TMEM132D: variants seen among roughly 807,000 people sequenced by gnomAD.
TMEM132D encodes the protein transmembrane protein 132D.
A neutral mutation model predicts 62.3 loss-of-function variants in TMEM132D; 21 were observed. The observed-to-expected ratio is 0.34, with a 90% CI of 0.24 to 0.49. TMEM132D has a LOEUF of 0.49. TMEM132D is among the 20% of genes least tolerant of loss of function. The probability of loss-of-function intolerance (pLI) is 0.99; values close to 1 mark genes in which losing one functional copy is unlikely to be tolerated. For missense variants in TMEM132D, 1,346 were observed against 1,402.8 expected, an observed-to-expected ratio of 0.96 and a Z score of 0.65; for synonymous variants, 621 against 575.6, an observed-to-expected ratio of 1.08 and a Z score of -1.13.
chr12:129,811,343 A>G (rs922314488), intron 1 of TMEM132D, among the ~76,000 whole-genome samples: 1 of 151,600 alleles, frequency 6.6e-6, no homozygotes, highest in Admixed American at 6.6e-5. Context: ...CACACCCAGC[A>G]GACTTCATCC....
At chr12:129,376,399 C>T (rs1870781309) in intron 3 of TMEM132D, among the ~76,000 whole-genome samples, 2 of 152,120 alleles carry the variant, frequency 1.3e-5, no homozygotes, top group African/African-American at 4.8e-5. Flanking sequence ...AGGAGCAAAG[C>T]CCCTTCTAAA....
intron 4 of TMEM132D, among the ~76,000 whole-genome samples, chr12:129,331,749 C>A (rs1869111939): frequency 6.6e-6 from 1 of 152,206 alleles, no homozygotes; most frequent in Admixed American, 6.5e-5. Flanking sequence ...AAAGTATATA[C>A]CTATCAGTGC....
At position 129,903,873 on chromosome 12, in the gene TMEM132D, T is replaced by TCCCAGG. The variant is rs1875461455; in HGVS notation, c.-540_-535dup. 6.8e-6 allele frequency among the ~76,000 whole-genome samples: 1 copy of TCCCAGG among 146,412 alleles called. No individual in the cohort carries two copies. Among genetic ancestry groups the TCCCAGG allele is most frequent in the African/African-American group, 2.5e-5 (1 of 40,784 alleles). The stretch of plus-strand genomic sequence containing the variant: ...GGGGCTCCCTGGCCCGCAGCCCCCA[T>TCCCAGG]CCCAGGCCGGCCGCTGCGCCTCGGG... On this transcript the variant is annotated 5_prime_UTR_variant, in exon 1 of 9. Coordinates refer to ENST00000422113, the MANE Select transcript of TMEM132D (RefSeq NM_133448.3). This position sits in a 1 kb window ranked among gnomAD's most constrained non-coding sequence, Gnocchi z 6.2.
chr12:129,373,276 G>C (rs1255227316), intron 3 of TMEM132D, among the ~76,000 whole-genome samples: 1 of 152,114 alleles, frequency 6.6e-6, no homozygotes, highest in Non-Finnish European at 1.5e-5. Flanking sequence ...AGTGATAAAA[G>C]TTTGGGCCTC....
intron 3 of TMEM132D, among the ~76,000 whole-genome samples, chr12:129,456,903 A>T (rs1190096155): frequency 1.3e-5 from 2 of 152,176 alleles, no homozygotes; most frequent in African/African-American, 4.8e-5. Flanking sequence ...GCTATAAAGA[A>T]CTACCTGAGA....
intron 5 of TMEM132D, among the ~76,000 whole-genome samples, chr12:129,118,113 G>A (rs1365502147): frequency 6.6e-6 from 1 of 152,046 alleles, no homozygotes; most frequent in African/African-American, 2.4e-5. Context: ...TGGCCACCTT[G>A]GTATGTTCTG....
At chr12:129,618,215 T>A (rs1878973022) in intron 2 of TMEM132D, among the ~76,000 whole-genome samples, 1 of 152,256 alleles carries the variant, frequency 6.6e-6, no homozygotes, top group Non-Finnish European at 1.5e-5. Context: ...GATTGTGTGC[T>A]CACTTGCTAA....
At position 129,399,894 on chromosome 12, in the gene TMEM132D, T is replaced by TG. The variant is rs925109742; in HGVS notation, c.1116-62078dup. Among the ~76,000 whole-genome samples, 46 of 150,842 alleles carry TG rather than the reference T, an allele frequency of 3.0e-4. 2 individuals carry two copies. The highest frequency in any genetic ancestry group is 9.4e-4 in the African/African-American group (38 of 40,540). On this transcript the variant is annotated intron_variant, in intron 3 of 8. Coordinates refer to ENST00000422113, the MANE Select transcript of TMEM132D (RefSeq NM_133448.3). Reference sequence around the variant, plus strand: ...TTGTGTGTGTGCGTGTGTGTGTGTGTGGGGGGGTATATACATTTTTCATAT... The same window carrying TG: ...TTGTGTGTGTGCGTGTGTGTGTGTGTGGGGGGGGTATATACATTTTTCATAT...
chr12:129,479,527 C>T (rs1874371647), intron 3 of TMEM132D, among the ~76,000 whole-genome samples: 1 of 151,968 alleles, frequency 6.6e-6, no homozygotes, highest in South Asian at 2.1e-4. Flanking sequence ...TATAAAAGAG[C>T]AAAATGCAAA....
At chr12:129,680,977 C>T (rs912929379) in intron 2 of TMEM132D, among the ~76,000 whole-genome samples, 3 of 152,178 alleles carry the variant, frequency 2.0e-5, no homozygotes, top group African/African-American at 7.2e-5. Flanking sequence ...CCTGACTCCA[C>T]CCCTTTTCCA....
intron 3 of TMEM132D, among the ~76,000 whole-genome samples, chr12:129,504,542 T>C (rs12229184): frequency 0.11 from 16,504 of 152,178 alleles, 1,198 homozygotes; most frequent in East Asian, 0.2. Flanking sequence ...TTGAATTATT[T>C]TTTGTATTTC....
intron 4 of TMEM132D, among the ~76,000 whole-genome samples, chr12:129,245,368 A>C (rs1483623477): frequency 1.3e-5 from 2 of 152,152 alleles, no homozygotes; most frequent in Non-Finnish European, 2.9e-5. Flanking sequence ...AGTGTCTTCC[A>C]TGTATTTTTA....
chr12:129,454,094 C>T (rs1394276684), intron 3 of TMEM132D, among the ~76,000 whole-genome samples: 1 of 152,182 alleles, frequency 6.6e-6, no homozygotes, highest in Admixed American at 6.5e-5. Context: ...GTTTGATTAT[C>T]CTTCTGCCCA....
At chr12:129,468,936 T>C (rs558183146) in intron 3 of TMEM132D, among the ~76,000 whole-genome samples, 5 of 152,360 alleles carry the variant, frequency 3.3e-5, no homozygotes, top group African/African-American at 1.2e-4. Context: ...TGTTTTCATA[T>C]GGCATTCTCT....
intron 1 of TMEM132D, among the ~76,000 whole-genome samples, chr12:129,854,400 T>C (rs2137359491): frequency 6.6e-6 from 1 of 152,228 alleles, no homozygotes. Flanking sequence ...GCCCCAGAAC[T>C]CGGCACACAG....
intron 1 of TMEM132D, among the ~76,000 whole-genome samples, chr12:129,712,989 C>T (rs530846919): frequency 1.3e-5 from 2 of 152,226 alleles, no homozygotes; most frequent in East Asian, 1.9e-4. Flanking sequence ...ATTTCTACTC[C>T]GATTTAGCCA....
intron 4 of TMEM132D, among the ~76,000 whole-genome samples, chr12:129,230,525 C>T (rs1432921260): frequency 1.3e-5 from 2 of 152,228 alleles, no homozygotes; most frequent in Non-Finnish European, 1.5e-5. Context: ...CTGTCTGAAA[C>T]TACGGAGAAA....
intron 1 of TMEM132D, among the ~76,000 whole-genome samples, chr12:129,703,573 C>CGTAA (rs1038822034): frequency 6.6e-6 from 1 of 151,986 alleles, no homozygotes; most frequent in African/African-American, 2.4e-5. Context: ...GGAATGGTTA[C>CGTAA]TGTCACTAAA....
At chr12:129,464,319 G>T (rs1000770955) in intron 3 of TMEM132D, among the ~76,000 whole-genome samples, 2 of 151,968 alleles carry the variant, frequency 1.3e-5, no homozygotes, top group East Asian at 1.9e-4. Flanking sequence ...TTTTGATGGG[G>T]TTGTTTTTTT....
Sources: gnomAD v4.1 joint callset for allele counts (sites outside exome capture counted in the v4.1 genomes callset) on GRCh38, gnomAD v4.1.1 for gene constraint, Gnocchi (gnomAD v3.1) non-coding constraint, MANE v1.5 for transcripts, NCBI Gene and HGNC (gene_info 2026-07-23, HGNC 2026-07-21) for gene names.